C2orf42: variants seen among roughly 807,000 people sequenced by gnomAD.
C2orf42 encodes the protein uncharacterized protein C2orf42.
In C2orf42, 44 loss-of-function variants were observed where a neutral mutation model predicts 58.9. That is an observed-to-expected ratio of 0.75 (90% confidence interval 0.59 to 0.96). C2orf42 has a LOEUF of 0.96. Among genes scored for constraint, C2orf42 ranks in the 40% least tolerant of loss-of-function variants. The pLI is 0.00. For missense variants in C2orf42, 630 were observed against 699.2 expected (o/e 0.90, Z 1.12); for synonymous variants, 239 against 265.4 (o/e 0.90, Z 0.97).
intron 9 of C2orf42, among the ~76,000 whole-genome samples, 189 bp downstream of exon 9, chr2:70,160,436 C>A (rs1672981436): frequency 6.6e-6 from 1 of 152,172 alleles, no homozygotes; most frequent in Admixed American, 6.6e-5. Flanking sequence ...AGCCACAGCA[C>A]CTGGCCTGTA....
At position 70,169,561 on chromosome 2, in the gene C2orf42, A is replaced by G; in HGVS notation, c.1140T>C (p.Phe380=). 1 of 1,532,376 alleles carries G rather than the reference A, an allele frequency of 6.5e-7. No homozygotes were observed. Among genetic ancestry groups the G allele is most frequent in the Non-Finnish European group, 9.0e-7 (1 of 1,105,702 alleles). 94.9% of individuals were successfully genotyped at this position (1,532,376 alleles called of 1,614,324 possible). A position where few individuals can be genotyped will look rare whatever the true frequency, so the allele number is the denominator to read the frequency against. Residue 380 remains phenylalanine, a synonymous_variant, in exon 6 of 10, where the codon TTT becomes TTC. Coordinates refer to ENST00000264434, the MANE Select transcript of C2orf42 (RefSeq NM_017880.3). ...ERIHQTMHYQ[F]DGKPEPLVFH... ...AGTTAGATGAACAATACTTACCATC[A>G]AACTGATAGTGCATGGTTTGATGGA... is the stretch of plus-strand genomic sequence containing the variant.
In C2orf42 at chr2:70,150,224, T is replaced by G. The variant is rs1334918847; in HGVS notation, c.*132A>C. ...TTCAACAGAATCCACTTGAAAGCACTGAGAATTTGCATCTTAGCTAAGAGC... is the reference window on the plus strand; with the variant it reads ...TTCAACAGAATCCACTTGAAAGCACGGAGAATTTGCATCTTAGCTAAGAGC... On this transcript the variant is annotated 3_prime_UTR_variant, in exon 10 of 10. Coordinates refer to ENST00000264434, the MANE Select transcript of C2orf42 (RefSeq NM_017880.3). The G allele has an allele frequency of 5.6e-6, 4 of 713,322 alleles. No individual in the cohort carries two copies. In the African/African-American group the frequency reaches 7.0e-5, roughly 12 times the overall value. 44.2% of individuals were successfully genotyped at this position (713,322 alleles called of 1,614,324 possible). A position where few individuals can be genotyped will look rare whatever the true frequency, so the allele number is the denominator to read the frequency against.
At chr2:70,179,062 C>T (rs193205739) in intron 4 of C2orf42, among the ~76,000 whole-genome samples, 13 of 152,036 alleles carry the variant, frequency 8.6e-5, no homozygotes, top group Non-Finnish European at 1.6e-4. Context: ...TTTTTTTAAA[C>T]ACTCTATGGA....
chr2:70,182,021 A>T (rs761644102), intron 2 of C2orf42, 24 bp from the exon 3 acceptor site: 1 of 1,051,894 alleles, frequency 9.5e-7, no homozygotes, highest in Non-Finnish European at 1.5e-6. Context: ...TACATCCAAC[A>T]GTATGAGTAT....
In C2orf42 at chr2:70,156,274, G is replaced by A. The variant is rs185803251; in HGVS notation, c.1516+4351C>T. ...ATATAAATTATAATAAATATAAAGA[G>A]GATAGACCATTAAAATTAGAAAAAC... On this transcript the variant is annotated intron_variant, in intron 9 of 9. Coordinates refer to ENST00000264434, the MANE Select transcript of C2orf42 (RefSeq NM_017880.3). 2.8e-3 allele frequency among the ~76,000 whole-genome samples: 429 copies of A among 152,124 alleles called. 1 individual carries two copies. Among genetic ancestry groups the A allele is most frequent in the Middle Eastern group, 0.02 (6 of 294 alleles).
chr2:70,160,678 A>G lies in C2orf42; in HGVS notation c.1463T>C (p.Ile488Thr). ...GGGTCGCAGCACTGGTTGTTTTTCT[A>G]TACGACCGTAGGTTTCTGCTATGCT... is the stretch of plus-strand genomic sequence containing the variant. ...VESIAETYGR[I>T]EKQPVLRPLE... is the part of the protein sequence containing the mutation. The change falls in exon 9 of 10, where the codon ATA (isoleucine) becomes ACA (threonine). Residue 488 changes from isoleucine to threonine, a missense_variant. Ile to Thr is a moderately conservative substitution (Grantham distance 89). Coordinates refer to ENST00000264434, the MANE Select transcript of C2orf42 (RefSeq NM_017880.3). 6.2e-7 allele frequency: 1 copy of G among 1,613,020 alleles called. No individual in the cohort carries two copies.
At chr2:70,183,348 G>A (rs996120601) in intron 1 of C2orf42, among the ~76,000 whole-genome samples, 13 of 152,060 alleles carry the variant, frequency 8.5e-5, no homozygotes, top group Non-Finnish European at 1.5e-4. Context: ...AGAGGTGGGA[G>A]GATCACCTGA....
At chr2:70,169,260 C>A (rs1461322137) in intron 6 of C2orf42, among the ~76,000 whole-genome samples, 1 of 151,800 alleles carries the variant, frequency 6.6e-6, no homozygotes, top group Non-Finnish European at 1.5e-5. Flanking sequence ...CACACACACA[C>A]ACACACACAC....
intron 9 of C2orf42, among the ~76,000 whole-genome samples, chr2:70,151,178 C>G (rs1217954505): frequency 6.6e-6 from 1 of 152,062 alleles, no homozygotes; most frequent in Non-Finnish European, 1.5e-5. Context: ...AAAGTGAGAC[C>G]CTGTCTCTAC....
chr2:70,166,791 C>T (rs58611935), intron 6 of C2orf42, among the ~76,000 whole-genome samples: 1,540 of 152,190 alleles, frequency 0.01, 38 homozygotes, highest in African/African-American at 0.036. Flanking sequence ...ACAGACTTTC[C>T]CCCTTAAAGG....
intron 6 of C2orf42, among the ~76,000 whole-genome samples, chr2:70,165,851 C>T (rs1673362832): frequency 6.6e-6 from 1 of 152,036 alleles, no homozygotes; most frequent in Non-Finnish European, 1.5e-5. Context: ...ATAAAAAACA[C>T]AGTGTAGCCT....
intron 8 of C2orf42, among the ~76,000 whole-genome samples, chr2:70,162,469 G>A (rs1169028453): frequency 4.0e-5 from 6 of 151,854 alleles, no homozygotes; most frequent in Non-Finnish European, 8.8e-5. Context: ...TCAACATGGT[G>A]AAAGCCTGTC....
In C2orf42 at chr2:70,160,670, G is replaced by GTT; in HGVS notation, c.1469_1470dup (p.Gln491AsnfsTer10). The GTT allele has an allele frequency of 6.2e-7, 1 of 1,611,968 alleles. No individual in the cohort carries two copies. The highest frequency in any genetic ancestry group is 2.2e-5 in the East Asian group (1 of 44,862). ...AGTTCCAAGGGTCGCAGCACTGGTT[G>GTT]TTTTTCTATACGACCGTAGGTTTCT... On this transcript the variant is annotated frameshift_variant, in exon 9 of 10. Transcript: ENST00000264434. LOFTEE classifies it high-confidence loss of function.
chr2:70,180,063 G>A (rs1277378192), intron 3 of C2orf42, among the ~76,000 whole-genome samples: 1 of 152,088 alleles, frequency 6.6e-6, no homozygotes, highest in Non-Finnish European at 1.5e-5. Flanking sequence ...AGGCCGAGGC[G>A]GGTGGATCAC....
At chr2:70,173,532 C>T (rs1386829354) in intron 5 of C2orf42, among the ~76,000 whole-genome samples, 1 of 152,174 alleles carries the variant, frequency 6.6e-6, no homozygotes, top group Non-Finnish European at 1.5e-5. Context: ...CCGCCTGCCT[C>T]AGCTTCCCAG....
chr2:70,158,280 T>C (rs1672814328), intron 9 of C2orf42, among the ~76,000 whole-genome samples: 1 of 151,446 alleles, frequency 6.6e-6, no homozygotes, highest in Non-Finnish European at 1.5e-5. Context: ...ACTAAGAATA[T>C]GAAGATTAAA....
At chr2:70,175,034 A>T (rs1480907480) in intron 5 of C2orf42, among the ~76,000 whole-genome samples, 1 of 152,044 alleles carries the variant, frequency 6.6e-6, no homozygotes, top group Non-Finnish European at 1.5e-5. Flanking sequence ...TTTTAGACAT[A>T]ATTTAGTTTT....
At position 70,158,071 on chromosome 2, in the gene C2orf42, C is replaced by T. The variant is rs764595794; in HGVS notation, c.1516+2554G>A. 9.9e-5 allele frequency among the ~76,000 whole-genome samples: 15 copies of T among 151,720 alleles called. No individual in the cohort carries two copies. The East Asian group carries it at 1.2e-3, about 12-fold the overall frequency. ...AAAATTAGCTGGGCATGCTGGCATG[C>T]GCCTGTAATCCCAGCTACTCAGGAG... is the stretch of plus-strand genomic sequence containing the variant. On this transcript the variant is annotated intron_variant, in intron 9 of 9. Transcript: ENST00000264434.
chr2:70,182,341 G>C (rs1240580941), intron 2 of C2orf42: 1 of 177,604 alleles, frequency 5.6e-6, no homozygotes, highest in African/African-American at 2.4e-5. Context: ...CTTGTGATCC[G>C]CCTGCCTCAG....
Sources: allele counts gnomAD v4.1 joint callset (sites outside exome capture counted in the v4.1 genomes callset), GRCh38; gene constraint gnomAD v4.1.1; transcripts MANE v1.5; gene names NCBI Gene and HGNC (gene_info 2026-07-23, HGNC 2026-07-21).